GRID2: variants seen among roughly 807,000 people sequenced by gnomAD.
GRID2 encodes the protein glutamate receptor ionotropic, delta-2.
GRID2 carries 33 observed loss-of-function variants against 114.8 expected under a neutral mutation model. That is an observed-to-expected ratio of 0.29 (90% confidence interval 0.22 to 0.38). The LOEUF (loss-of-function observed/expected upper bound fraction) is 0.38, where lower values mean the gene tolerates loss of function less well. GRID2 is among the 10% of genes least tolerant of loss of function. The probability of loss-of-function intolerance (pLI) is 1.00; values close to 1 mark genes in which losing one functional copy is unlikely to be tolerated. For missense variants in GRID2, 1,184 were observed against 1,257.7 expected (o/e 0.94, Z 0.89); for synonymous variants, 505 against 449.9 (o/e 1.12, Z -1.55).
chr4:92,304,340 C>T lies in GRID2; in HGVS notation c.-317C>T, dbSNP rs79693811. ...CGCAGCGATGGGTCTGATCTGAGCC[C>T]CAGCCTCTCCCCCTGCCCAAGAGCA... On this transcript the variant is annotated 5_prime_UTR_variant, in exon 1 of 16. Coordinates refer to ENST00000282020, the MANE Select transcript of GRID2 (RefSeq NM_001510.4). 0.015 allele frequency: 5,458 copies of T among 375,586 alleles called. 265 individuals carry two copies. Among genetic ancestry groups the T allele is most frequent in the African/African-American group, 0.11 (4,956 of 46,502 alleles). 23.3% of individuals were successfully genotyped at this position (375,586 alleles called of 1,614,324 possible). A position where few individuals can be genotyped will look rare whatever the true frequency, so the allele number is the denominator to read the frequency against.
chr4:92,895,583 C>G (rs1747106982), intron 2 of GRID2, among the ~76,000 whole-genome samples: 1 of 151,426 alleles, frequency 6.6e-6, no homozygotes, highest in Non-Finnish European at 1.5e-5. Context: ...ATTTGAGTTA[C>G]CAGTAATAAA....
intron 2 of GRID2, among the ~76,000 whole-genome samples, chr4:92,959,272 G>A (rs1348575860): frequency 6.6e-6 from 1 of 151,586 alleles, no homozygotes; most frequent in Non-Finnish European, 1.5e-5. Flanking sequence ...AGTTTCCTAA[G>A]ATGAAAACTT....
At chr4:92,947,300 A>G (rs1227819590) in intron 2 of GRID2, among the ~76,000 whole-genome samples, 1 of 152,024 alleles carries the variant, frequency 6.6e-6, no homozygotes, top group Non-Finnish European at 1.5e-5. Flanking sequence ...CTGTATGCCC[A>G]ATATTTATGA....
At chr4:93,518,099 G>GAT (rs762732365) in intron 13 of GRID2, among the ~76,000 whole-genome samples, 3 of 147,484 alleles carry the variant, frequency 2.0e-5, no homozygotes, top group African/African-American at 5.0e-5. Flanking sequence ...ACTATATATG[G>GAT]ATATATATAT....
At chr4:93,343,680 A>ATT (rs112657234) in intron 8 of GRID2, among the ~76,000 whole-genome samples, 1 of 151,696 alleles carries the variant, frequency 6.6e-6, no homozygotes, top group African/African-American at 2.4e-5. Context: ...CATCAAAAAA[A>ATT]TTTTTTTAAA....
Position 92,578,119 on chromosome 4 carries a change from CTTATTATTA to C in GRID2, c.89-12005_89-11997del, listed in dbSNP as rs1170698686. Among the ~76,000 whole-genome samples, 308 of 88,690 alleles carry C rather than the reference CTTATTATTA, an allele frequency of 3.5e-3. 4 individuals carry two copies. Among genetic ancestry groups the C allele is most frequent in the Admixed American group, 5.2e-3 (44 of 8,432 alleles). 58.2% of individuals were successfully genotyped at this position (88,690 alleles called of 152,430 possible). A position where few individuals can be genotyped will look rare whatever the true frequency, so the allele number is the denominator to read the frequency against. On this transcript the variant is annotated intron_variant, in intron 1 of 15. Transcript: ENST00000282020. Reference sequence around the variant, plus strand: ...TCTTCTTCTTCTTCTTCTTCTTTTTCTTATTATTATTATTACACTTTAAGTTTTAGGGTA... The same window carrying C: ...TCTTCTTCTTCTTCTTCTTCTTTTTCTTATTACACTTTAAGTTTTAGGGTA...
At chr4:92,729,313 A>G (rs1736216389) in intron 2 of GRID2, among the ~76,000 whole-genome samples, 1 of 152,124 alleles carries the variant, frequency 6.6e-6, no homozygotes, top group South Asian at 2.1e-4. Context: ...TCCTCAGAAC[A>G]CTGAGCAAAG....
intron 2 of GRID2, among the ~76,000 whole-genome samples, chr4:93,039,611 C>CAGTT (rs1377707706): frequency 5.9e-5 from 9 of 152,144 alleles, no homozygotes; most frequent in African/African-American, 2.2e-4. Flanking sequence ...TAATGGAGAC[C>CAGTT]AGTTATATCT....
chr4:93,584,893 T>C lies in GRID2; in HGVS notation c.2194-41376T>C, dbSNP rs550012583. Among the ~76,000 whole-genome samples, 4 of 152,268 alleles carry C rather than the reference T, an allele frequency of 2.6e-5. No homozygotes were observed. In the East Asian group the frequency reaches 7.7e-4, roughly 29 times the overall value. On this transcript the variant is annotated intron_variant, in intron 13 of 15. Transcript: ENST00000282020. Reference sequence around the variant, plus strand: ...TAATGATTTCCCATCAAATGTCTCATAAAATTGCCCTTGATTGATGAGAGG... The same window carrying C: ...TAATGATTTCCCATCAAATGTCTCACAAAATTGCCCTTGATTGATGAGAGG...
intron 8 of GRID2, among the ~76,000 whole-genome samples, chr4:93,394,522 A>G (rs1280805202): frequency 6.6e-6 from 1 of 151,928 alleles, no homozygotes; most frequent in East Asian, 1.9e-4. Flanking sequence ...CTTGCCAGCC[A>G]GTATGTAGAT....
chr4:92,751,262 A>C (rs1737442906), intron 2 of GRID2, among the ~76,000 whole-genome samples: 1 of 152,176 alleles, frequency 6.6e-6, no homozygotes, highest in Admixed American at 6.5e-5. Context: ...ACGTAGATTA[A>C]AAATAATATA....
intron 8 of GRID2, among the ~76,000 whole-genome samples, chr4:93,332,291 T>TGAGAGAGAGAGAGAGA (rs1439107466): frequency 2.8e-5 from 3 of 107,346 alleles, no homozygotes; most frequent in African/African-American, 1.1e-4. Flanking sequence ...TGTGTGTGTG[T>TGAGAGAGAGAGAGAGA]GTGTGTGTGA....
intron 1 of GRID2, among the ~76,000 whole-genome samples, chr4:92,572,141 C>G (rs1180918084): frequency 6.6e-6 from 1 of 151,488 alleles, no homozygotes; most frequent in African/African-American, 2.4e-5. Context: ...GCTAGCAAGA[C>G]TAATAAAGAA....
chr4:93,400,283 A>G (rs1237621997), intron 9 of GRID2, among the ~76,000 whole-genome samples: 1 of 152,102 alleles, frequency 6.6e-6, no homozygotes, highest in African/African-American at 2.4e-5. Flanking sequence ...TTTGTATTCA[A>G]CCATCACCAA....
rs568196929 is a variant in GRID2, at chr4:93,250,767, T to TATA, written c.1245+12278_1245+12279insTAA. On this transcript the variant is annotated intron_variant, in intron 8 of 15. Coordinates refer to ENST00000282020, the MANE Select transcript of GRID2 (RefSeq NM_001510.4). ...TGTTATATATATATTTATATATATA[T>TATA]AAAAAAAGTGTGCATGCATGTATAT... Among the ~76,000 whole-genome samples, 795 of 147,572 alleles carry TATA rather than the reference T, an allele frequency of 5.4e-3. 11 individuals carry two copies. Among genetic ancestry groups the TATA allele is most frequent in the African/African-American group, 0.018 (749 of 40,648 alleles).
chr4:92,597,630 T>C (rs375161827), intron 2 of GRID2, among the ~76,000 whole-genome samples: 8 of 152,192 alleles, frequency 5.3e-5, no homozygotes, highest in East Asian at 3.8e-4. Flanking sequence ...GTGTTCTTTC[T>C]TCTACCAATT....
At chr4:93,693,261 A>T (rs553673392) in intron 14 of GRID2, among the ~76,000 whole-genome samples, 12 of 152,308 alleles carry the variant, frequency 7.9e-5, no homozygotes, top group African/African-American at 2.9e-4. Context: ...TTGCATTTAG[A>T]AACTGTATAA....
At chr4:93,080,792 G>A (rs1729790611) in intron 2 of GRID2, among the ~76,000 whole-genome samples, 1 of 152,130 alleles carries the variant, frequency 6.6e-6, no homozygotes, top group South Asian at 2.1e-4. Context: ...GAATACTTGA[G>A]ACTGGGTAAT....
At chr4:92,650,928 G>A (rs1731897082) in intron 2 of GRID2, among the ~76,000 whole-genome samples, 2 of 151,964 alleles carry the variant, frequency 1.3e-5, no homozygotes, top group Admixed American at 1.3e-4. Flanking sequence ...ATTGGAACTT[G>A]AGTCTTAAAA....
Sources: gnomAD v4.1 joint callset for allele counts (sites outside exome capture counted in the v4.1 genomes callset) on GRCh38, gnomAD v4.1.1 for gene constraint, MANE v1.5 for transcripts, NCBI Gene and HGNC (gene_info 2026-07-23, HGNC 2026-07-21) for gene names.